Variants in WDR82 observed in about 807,000 individuals in gnomAD.
WDR82 encodes the protein WD repeat-containing protein 82.
A neutral mutation model predicts 36.1 loss-of-function variants in WDR82; 8 were observed. The observed-to-expected ratio is 0.22, with a 90% CI of 0.13 to 0.40. The LOEUF (loss-of-function observed/expected upper bound fraction) is 0.40. Among genes scored for constraint, WDR82 ranks in the 10% least tolerant of loss-of-function variants. The pLI is 1.00. For missense variants in WDR82, 185 were observed against 400.5 expected (o/e 0.46, Z 4.59); for synonymous variants, 129 against 137.8 (o/e 0.94, Z 0.45).
chr3:52,263,794 A>G (rs1280289565), intron 3 of WDR82, among the ~76,000 whole-genome samples: 3 of 152,268 alleles, frequency 2.0e-5, no homozygotes, highest in African/African-American at 7.2e-5. Flanking sequence ...AAAGGTAACA[A>G]TGATGGACAG....
At position 52,255,236 on chromosome 3, in the gene WDR82, C is replaced by G. The variant is rs1257589429; in HGVS notation, c.*2254G>C. On this transcript the variant is annotated 3_prime_UTR_variant, in exon 9 of 9. Transcript: ENST00000296490. ...GGATTACAGGTGTGAGCCACCGCGC[C>G]CAGCCTTGAGGTGGCATGTTTTCAA... The G allele has an allele frequency of 6.8e-6, 1 of 147,240 alleles. No individual in the cohort carries two copies. Among genetic ancestry groups the G allele is most frequent in the African/African-American group, 2.5e-5 (1 of 39,338 alleles). The allele number at this position is 147,240 out of a possible 1,614,324, so 9.1% of individuals were successfully genotyped here.
intron 1 of WDR82, among the ~76,000 whole-genome samples, chr3:52,277,933 T>G (rs1700220875): frequency 6.6e-6 from 1 of 151,610 alleles, no homozygotes; most frequent in Non-Finnish European, 1.5e-5. Flanking sequence ...AAGGTCAAGG[T>G]GGGGTTTGGC....
intron 5 of WDR82, among the ~76,000 whole-genome samples, chr3:52,260,097 G>A (rs1193007049): frequency 4.6e-5 from 7 of 152,086 alleles, no homozygotes; most frequent in Admixed American, 2.0e-4. Context: ...TTGGGAGGCC[G>A]AGGTGGGTGG....
At chr3:52,262,998 T>C (rs866707677) in intron 3 of WDR82, among the ~76,000 whole-genome samples, 45 of 152,026 alleles carry the variant, frequency 3.0e-4, no homozygotes, top group South Asian at 4.2e-4. Context: ...CCTGGTGGCG[T>C]ACACCTGTAA....
Position 52,271,396 on chromosome 3 carries a change from ACAC to A in WDR82, c.162-590_162-588del, listed in dbSNP as rs559885334. On this transcript the variant is annotated intron_variant, in intron 1 of 8. Transcript: ENST00000296490. ...ATTATACCGTCAGGTTTGTGTAAGT[ACAC>A]TCTATGATGCTGCTGCAACAAAAAC... Among the ~76,000 whole-genome samples the A allele has an allele frequency of 3.2e-3, 490 of 152,330 alleles. 3 individuals carry two copies. The highest frequency in any genetic ancestry group is 0.011 in the African/African-American group (462 of 41,574).
chr3:52,274,277 T>C (rs924593285), intron 1 of WDR82, among the ~76,000 whole-genome samples: 38 of 152,326 alleles, frequency 2.5e-4, no homozygotes, highest in African/African-American at 8.9e-4. Flanking sequence ...ATAAAGATAC[T>C]ATGCCTTCGG....
At position 52,278,401 on chromosome 3, in the gene WDR82, G is replaced by A. The variant is rs1214483100; in HGVS notation, c.-40C>T. On this transcript the variant is annotated 5_prime_UTR_variant, in exon 1 of 9. Coordinates refer to ENST00000296490, the MANE Select transcript of WDR82 (RefSeq NM_025222.4). ...AAGGCAGCGGCGGCGCAGGGCCGGG[G>A]CGGGGCCCGGCGGCGAGCGGGCGGG... is the stretch of plus-strand genomic sequence containing the variant. 2.3e-6 allele frequency: 3 copies of A among 1,285,588 alleles called. No individual in the cohort carries two copies. The highest frequency in any genetic ancestry group is 2.1e-5 in the South Asian group (1 of 47,318). The allele number at this position is 1,285,588 out of a possible 1,614,324, so 79.6% of individuals were successfully genotyped here.
chr3:52,266,194 C>A (rs946249543), intron 3 of WDR82, among the ~76,000 whole-genome samples: 2 of 151,946 alleles, frequency 1.3e-5, no homozygotes, highest in Non-Finnish European at 2.9e-5. Context: ...TTAAATGGAA[C>A]ATTTTTACAT....
In WDR82 at chr3:52,278,606, G is replaced by A. The variant is rs1422250002; in HGVS notation, c.-245C>T. 16 of 401,322 alleles carry A rather than the reference G, an allele frequency of 4.0e-5. No individual in the cohort carries two copies. The South Asian group carries it at 1.1e-3, about 28-fold the overall frequency. The allele number at this position is 401,322 out of a possible 1,614,324, so 24.9% of individuals were successfully genotyped here. A position where few individuals can be genotyped will look rare whatever the true frequency, so the allele number is the denominator to read the frequency against. On this transcript the variant is annotated 5_prime_UTR_variant, in exon 1 of 9. Coordinates refer to ENST00000296490, the MANE Select transcript of WDR82 (RefSeq NM_025222.4). ...CCTCACGGACAACCGGCGCGTCGCC[G>A]GCTCATTGTGTCCGCCATTTTGGGG...
chr3:52,276,807 C>A (rs1232450001), intron 1 of WDR82, among the ~76,000 whole-genome samples: 1 of 152,098 alleles, frequency 6.6e-6, no homozygotes, highest in Non-Finnish European at 1.5e-5. Flanking sequence ...TAACAATTCC[C>A]TCTTCCTTAA....
chr3:52,261,346 A>G (rs778997784), intron 4 of WDR82, 34 bp downstream of exon 4: 27 of 1,584,210 alleles, frequency 1.7e-5, no homozygotes, highest in East Asian at 1.4e-4. Flanking sequence ...ACCAAAGAAA[A>G]TGCTCAAAAA....
chr3:52,257,248 G>A lies in WDR82; in HGVS notation c.*242C>T. ...GGTCACTCCTCCAGCAGAGCTTGGTGCAGTGACAGTTAGAAAAGCTGAGTT... is the reference window on the plus strand; with the variant it reads ...GGTCACTCCTCCAGCAGAGCTTGGTACAGTGACAGTTAGAAAAGCTGAGTT... On this transcript the variant is annotated 3_prime_UTR_variant, in exon 9 of 9. Transcript: ENST00000296490. 1 of 581,244 alleles carries A rather than the reference G, an allele frequency of 1.7e-6. No individual in the cohort carries two copies. The highest frequency in any genetic ancestry group is 3.0e-6 in the Non-Finnish European group (1 of 328,012). 36.0% of individuals were successfully genotyped at this position (581,244 alleles called of 1,614,324 possible).
At chr3:52,276,706 T>C (rs987215357) in intron 1 of WDR82, among the ~76,000 whole-genome samples, 1 of 152,162 alleles carries the variant, frequency 6.6e-6, no homozygotes, top group Non-Finnish European at 1.5e-5. Flanking sequence ...TAAATGTTAC[T>C]TCGTCTTCTA....
chr3:52,257,551 G>A (rs747514784), intron 8 of WDR82, 32 bp from the exon 9 acceptor site: 2 of 1,614,024 alleles, frequency 1.2e-6, no homozygotes, highest in Non-Finnish European at 1.7e-6. Flanking sequence ...ACTTTAAAAA[G>A]CCAAGCATCT....
At chr3:52,273,132 T>C (rs954112056) in intron 1 of WDR82, among the ~76,000 whole-genome samples, 4 of 152,110 alleles carry the variant, frequency 2.6e-5, no homozygotes, top group Non-Finnish European at 4.4e-5. Context: ...CCATCTACAA[T>C]AGCAAAGACA....
At chr3:52,267,233 T>C (rs1700113876) in intron 2 of WDR82, 2 of 381,594 alleles carry the variant, frequency 5.2e-6, no homozygotes, top group Non-Finnish European at 9.7e-6. Flanking sequence ...GTTGACAGCA[T>C]AGAAAGCAAT....
Position 52,270,794 on chromosome 3 carries a change from C to G in WDR82, c.177G>C (p.Leu59=). 1.2e-6 allele frequency: 2 copies of G among 1,607,168 alleles called. No individual in the cohort carries two copies. Among genetic ancestry groups the G allele is most frequent in the Non-Finnish European group, 1.7e-6 (2 of 1,177,434 alleles). Residue 59 remains leucine, a synonymous_variant, in exon 2 of 9, where the codon CTG becomes CTC. Coordinates refer to ENST00000296490, the MANE Select transcript of WDR82 (RefSeq NM_025222.4). ...GGTCCACACCATATTTCTTACTGTA[C>G]AGGGTTCTCTTTGGTCTGATAAGAA... The part of the protein sequence containing the change: ...DCQEGKPKRT[L]YSKKYGVDLI...
At chr3:52,278,160 G>T in intron 1 of WDR82, 41 bp downstream of exon 1, 1 of 1,528,412 alleles carries the variant, frequency 6.5e-7, no homozygotes, top group Non-Finnish European at 8.8e-7. Context: ...CCACCGGAGG[G>T]AGGCACTGAG....
chr3:52,278,451 G>A lies in WDR82; in HGVS notation c.-90C>T. Reference sequence around the variant, plus strand: ...GCTGCCGAGGGGCCAACCCAGGCGGGGCGGGCGCCGCGCCGGCGGCTAGCG... The same window carrying A: ...GCTGCCGAGGGGCCAACCCAGGCGGAGCGGGCGCCGCGCCGGCGGCTAGCG... On this transcript the variant is annotated 5_prime_UTR_variant, in exon 1 of 9. Coordinates refer to ENST00000296490, the MANE Select transcript of WDR82 (RefSeq NM_025222.4). The A allele has an allele frequency of 3.6e-6, 4 of 1,112,398 alleles. No homozygotes were observed. The highest frequency in any genetic ancestry group is 4.5e-6 in the Non-Finnish European group (4 of 898,052). The allele number at this position is 1,112,398 out of a possible 1,614,324, so 68.9% of individuals were successfully genotyped here.
Sources: allele counts gnomAD v4.1 joint callset (sites outside exome capture counted in the v4.1 genomes callset), GRCh38; gene constraint gnomAD v4.1.1; transcripts MANE v1.5; gene names NCBI Gene and HGNC (gene_info 2026-07-23, HGNC 2026-07-21).